The following GNA14 variants were observed in gnomAD, a reference collection of about 807,000 sequenced individuals.
GNA14 encodes guanine nucleotide-binding protein subunit alpha-14.
Under a neutral mutation model 42.0 loss-of-function variants are expected in GNA14, and 50 were observed. The observed-to-expected ratio is 1.19, with a 90% CI of 0.95 to 1.51. The LOEUF (loss-of-function observed/expected upper bound fraction) is 1.51, where lower values mean the gene tolerates loss of function less well. Among genes scored for constraint, GNA14 ranks in the 40% most tolerant of loss-of-function variants. The probability of loss-of-function intolerance (pLI) is 0.00; values close to 1 mark genes in which losing one functional copy is unlikely to be tolerated. For synonymous variants in GNA14, 173 were observed against 163.1 expected, an observed-to-expected ratio of 1.06 and a Z score of -0.46; for missense variants, 473 against 446.2, an observed-to-expected ratio of 1.06 and a Z score of -0.54.
Position 77,492,218 on chromosome 9 carries a change from G to A in GNA14, c.309+36851C>T, listed in dbSNP as rs547734333. Among the ~76,000 whole-genome samples the A allele has an allele frequency of 6.6e-5, 10 of 151,862 alleles. No individual in the cohort carries two copies. The South Asian group carries it at 8.3e-4, about 13-fold the overall frequency. ...TATATTAAAAAACTAGAAAGACTTC[G>A]CATAAACAACCTAGTGATGCACCTC... On this transcript the variant is annotated intron_variant, in intron 2 of 6. Transcript: ENST00000341700.
At chr9:77,565,103 G>A (rs543896157) in intron 1 of GNA14, among the ~76,000 whole-genome samples, 3 of 152,254 alleles carry the variant, frequency 2.0e-5, no homozygotes, top group African/African-American at 7.2e-5. Context: ...GTAGTTCTCT[G>A]TTTTATTACT....
At chr9:77,519,093 C>T (rs1837308506) in intron 2 of GNA14, among the ~76,000 whole-genome samples, 3 of 152,154 alleles carry the variant, frequency 2.0e-5, no homozygotes. Flanking sequence ...ATGCTTTTCA[C>T]TCTAAAGGCA....
intron 1 of GNA14, among the ~76,000 whole-genome samples, chr9:77,586,669 G>T (rs959055736): frequency 6.6e-6 from 1 of 152,196 alleles, no homozygotes; most frequent in Non-Finnish European, 1.5e-5. Flanking sequence ...AGCTTGAGGC[G>T]GCGGTGTCTG....
intron 2 of GNA14, among the ~76,000 whole-genome samples, chr9:77,464,478 C>T (rs944121313): frequency 6.6e-6 from 1 of 151,984 alleles, no homozygotes; most frequent in South Asian, 2.1e-4. Context: ...AGATGGGCTT[C>T]TAGCCACAAA....
chr9:77,441,035 A>G lies in GNA14; in HGVS notation c.310-6513T>C, dbSNP rs116332335. On this transcript the variant is annotated intron_variant, in intron 2 of 6. Coordinates refer to ENST00000341700, the MANE Select transcript of GNA14 (RefSeq NM_004297.4). ...CCAGCCTGCAATTTTCAAATATACT[A>G]TATATTATTATTAACTTAGTCATCA... 6.3e-3 allele frequency among the ~76,000 whole-genome samples: 952 copies of G among 152,158 alleles called. 12 individuals carry two copies. The highest frequency in any genetic ancestry group is 0.022 in the African/African-American group (910 of 41,482).
At chr9:77,604,016 T>G (rs373730420) in intron 1 of GNA14, among the ~76,000 whole-genome samples, 1 of 137,608 alleles carries the variant, frequency 7.3e-6, no homozygotes, top group Non-Finnish European at 1.6e-5. Context: ...TCACTATCAC[T>G]CATTGCAATT....
intron 2 of GNA14, among the ~76,000 whole-genome samples, chr9:77,494,951 C>T (rs550653043): frequency 6.6e-6 from 1 of 152,248 alleles, no homozygotes; most frequent in African/African-American, 2.4e-5. Context: ...TGGTGTGCAC[C>T]ACCACACTCA....
At chr9:77,537,865 G>A (rs1837615489) in intron 1 of GNA14, among the ~76,000 whole-genome samples, 1 of 152,020 alleles carries the variant, frequency 6.6e-6, no homozygotes, top group Non-Finnish European at 1.5e-5. Flanking sequence ...TTGGCCATTT[G>A]TATGCCTTCT....
intron 6 of GNA14, 55 bp from the exon 7 acceptor site, chr9:77,424,224 C>T: frequency 7.9e-7 from 1 of 1,266,096 alleles, no homozygotes; most frequent in Non-Finnish European, 1.1e-6. Context: ...CCATGTCCTC[C>T]CAAGAACCTT....
intron 2 of GNA14, among the ~76,000 whole-genome samples, chr9:77,465,942 T>C (rs1836214804): frequency 1.3e-5 from 2 of 152,220 alleles, no homozygotes; most frequent in South Asian, 2.1e-4. Flanking sequence ...TCATTGCCTC[T>C]GGCTTCTATT....
intron 1 of GNA14, among the ~76,000 whole-genome samples, chr9:77,537,239 A>AC (rs1286065012): frequency 4.0e-5 from 6 of 150,730 alleles, no homozygotes; most frequent in African/African-American, 1.5e-4. Flanking sequence ...TCCCAACCAC[A>AC]CCCCCTTCCT....
At chr9:77,476,340 G>C (rs531850556) in intron 2 of GNA14, among the ~76,000 whole-genome samples, 1 of 152,190 alleles carries the variant, frequency 6.6e-6, no homozygotes, top group Non-Finnish European at 1.5e-5. Flanking sequence ...TAGGTAATGA[G>C]GGGGAGGCGC....
intron 5 of GNA14, among the ~76,000 whole-genome samples, chr9:77,428,658 G>T (rs1835493480): frequency 6.6e-6 from 1 of 152,168 alleles, no homozygotes; most frequent in Non-Finnish European, 1.5e-5. Context: ...CCTTTCATAT[G>T]TATTTGAATT....
At chr9:77,624,219 G>C (rs1434352015) in intron 1 of GNA14, among the ~76,000 whole-genome samples, 1 of 152,182 alleles carries the variant, frequency 6.6e-6, no homozygotes, top group African/African-American at 2.4e-5. Flanking sequence ...TGCCTGTCTA[G>C]ATTCCTCCTC....
Position 77,451,393 on chromosome 9 carries a change from C to T in GNA14, c.310-16871G>A, listed in dbSNP as rs578245034. On this transcript the variant is annotated intron_variant, in intron 2 of 6. Transcript: ENST00000341700. ...AAGGCAAACACAGCCACTGTAGTCA[C>T]TCTTTTTAGAGTGCTCTAAAGCAAT... Among the ~76,000 whole-genome samples the T allele has an allele frequency of 3.3e-5, 5 of 152,308 alleles. No homozygotes were observed. The South Asian group carries it at 1.0e-3, about 32-fold the overall frequency.
chr9:77,592,665 T>C (rs72732776), intron 1 of GNA14, among the ~76,000 whole-genome samples: 412 of 152,368 alleles, frequency 2.7e-3, no homozygotes, highest in Non-Finnish European at 4.3e-3. Flanking sequence ...TTGTAATCTC[T>C]GATCTAATTC....
intron 2 of GNA14, among the ~76,000 whole-genome samples, chr9:77,448,749 T>G (rs528744154): frequency 4.5e-4 from 69 of 152,332 alleles, no homozygotes; most frequent in African/African-American, 1.5e-3. Context: ...GGTAGACGTA[T>G]GCAACTATGA....
intron 1 of GNA14, among the ~76,000 whole-genome samples, chr9:77,564,564 C>T (rs1026828327): frequency 6.6e-6 from 1 of 151,760 alleles, no homozygotes; most frequent in Non-Finnish European, 1.5e-5. Context: ...CATGGTGGCT[C>T]ATGCTTGGAG....
intron 2 of GNA14, among the ~76,000 whole-genome samples, chr9:77,511,172 C>A (rs931384936): frequency 6.6e-6 from 1 of 152,050 alleles, no homozygotes; most frequent in South Asian, 2.1e-4. Flanking sequence ...TTATTATTCT[C>A]CAATTCTAAG....
Sources: allele counts gnomAD v4.1 joint callset (sites outside exome capture counted in the v4.1 genomes callset), GRCh38; gene constraint gnomAD v4.1.1; transcripts MANE v1.5; gene names NCBI Gene and HGNC (gene_info 2026-07-23, HGNC 2026-07-21).